CNTN5: variants seen among roughly 807,000 people sequenced by gnomAD.
The protein encoded by CNTN5 is contactin-5.
A neutral mutation model predicts 129.1 loss-of-function variants in CNTN5; 77 were observed. The ratio of observed to expected loss-of-function variants is 0.60; its 90% CI spans 0.50 to 0.72. The LOEUF is 0.72. Among genes scored for constraint, CNTN5 ranks in the 30% least tolerant of loss-of-function variants. CNTN5 has a pLI of 0.00. For missense variants in CNTN5, 1,478 were observed against 1,328.8 expected (o/e 1.11, Z -1.75); for synonymous variants, 509 against 465.6 (o/e 1.09, Z -1.20).
At chr11:99,661,533 A>G (rs1240750215) in intron 3 of CNTN5, among the ~76,000 whole-genome samples, 3 of 152,082 alleles carry the variant, frequency 2.0e-5, no homozygotes, top group South Asian at 2.1e-4. Flanking sequence ...TAAAGTTACT[A>G]TATGTGTATA....
intron 1 of CNTN5, among the ~76,000 whole-genome samples, chr11:99,322,228 G>A (rs560212709): frequency 2.3e-4 from 35 of 152,134 alleles, no homozygotes; most frequent in African/African-American, 8.0e-4. Context: ...TGCAGTCGGC[G>A]GCCTTACTCC....
chr11:99,689,068 C>T lies in CNTN5; in HGVS notation c.56-130476C>T, dbSNP rs151292997. Among the ~76,000 whole-genome samples the T allele has an allele frequency of 2.5e-3, 383 of 152,178 alleles. 2 individuals are homozygous for T. Among genetic ancestry groups the T allele is most frequent in the African/African-American group, 8.7e-3 (363 of 41,538 alleles). The stretch of plus-strand genomic sequence containing the variant: ...TGTGAATAGTGCTCTAATGAATACA[C>T]ACATGCATGCATCTTTATAATAGTA... On this transcript the variant is annotated intron_variant, in intron 3 of 24. Coordinates refer to ENST00000524871, the MANE Select transcript of CNTN5 (RefSeq NM_014361.4).
At chr11:99,849,429 T>C (rs1038967878) in intron 6 of CNTN5, among the ~76,000 whole-genome samples, 1 of 151,960 alleles carries the variant, frequency 6.6e-6, no homozygotes, top group Non-Finnish European at 1.5e-5. Flanking sequence ...GGAGTACTCT[T>C]ATTAACCAGA....
intron 3 of CNTN5, among the ~76,000 whole-genome samples, chr11:99,739,764 T>G (rs1943831186): frequency 1.3e-5 from 2 of 152,148 alleles, no homozygotes; most frequent in African/African-American, 4.8e-5. Context: ...TTAAAGAGAT[T>G]TTTGTAGCGA....
At position 99,647,252 on chromosome 11, in the gene CNTN5, T is replaced by G. The variant is rs78375264; in HGVS notation, c.55+90983T>G. ...GTAAAGGGTGTAGTTTCACTCTTCTTCATTTGGATATCCAATTTTCCCCGA... is the reference window on the plus strand; with the variant it reads ...GTAAAGGGTGTAGTTTCACTCTTCTGCATTTGGATATCCAATTTTCCCCGA... On this transcript the variant is annotated intron_variant, in intron 3 of 24. Coordinates refer to ENST00000524871, the MANE Select transcript of CNTN5 (RefSeq NM_014361.4). 8.7e-3 allele frequency among the ~76,000 whole-genome samples: 1,326 copies of G among 152,214 alleles called. 18 individuals carry two copies. The highest frequency in any genetic ancestry group is 0.029 in the African/African-American group (1,186 of 41,578).
intron 2 of CNTN5, among the ~76,000 whole-genome samples, chr11:99,451,968 G>T (rs1054575145): frequency 6.6e-6 from 1 of 152,020 alleles, no homozygotes. Context: ...TTATTTGTTC[G>T]CAGAAATTGC....
rs559955524 is a variant in CNTN5 at position 99,202,350 on chromosome 11, A to T, written c.-209-122996A>T. Among the ~76,000 whole-genome samples the T allele has an allele frequency of 8.5e-5, 13 of 152,364 alleles. No homozygotes were observed. The South Asian group carries it at 1.0e-3, about 12-fold the overall frequency. ...AACAATTTATTTTGACCATAAAAAT[A>T]TCAAAGTCCTTTAACATGTAGGTCA... On this transcript the variant is annotated intron_variant, in intron 1 of 24. Coordinates refer to ENST00000524871, the MANE Select transcript of CNTN5 (RefSeq NM_014361.4).
intron 18 of CNTN5, among the ~76,000 whole-genome samples, chr11:100,292,149 A>G (rs1950998827): frequency 1.3e-5 from 2 of 151,896 alleles, no homozygotes; most frequent in Admixed American, 1.3e-4. Flanking sequence ...TTTCCACTTT[A>G]TTTTGTACTT....
intron 2 of CNTN5, among the ~76,000 whole-genome samples, chr11:99,514,298 TA>T (rs1336039701): frequency 6.6e-6 from 1 of 152,096 alleles, no homozygotes; most frequent in African/African-American, 2.4e-5. Flanking sequence ...CTACTCCTGA[TA>T]AAGATGCTGT....
intron 2 of CNTN5, among the ~76,000 whole-genome samples, chr11:99,401,121 G>T (rs1941783905): frequency 6.6e-6 from 1 of 152,034 alleles, no homozygotes; most frequent in Non-Finnish European, 1.5e-5. Flanking sequence ...TTGGTTGTCT[G>T]TGTTTTGGGG....
At chr11:99,428,763 A>G (rs1448073563) in intron 2 of CNTN5, among the ~76,000 whole-genome samples, 1 of 152,096 alleles carries the variant, frequency 6.6e-6, no homozygotes, top group Non-Finnish European at 1.5e-5. Context: ...TAGATTACTT[A>G]GAAAAACTGC....
chr11:99,272,642 G>C (rs1863229628), intron 1 of CNTN5, among the ~76,000 whole-genome samples: 1 of 150,964 alleles, frequency 6.6e-6, no homozygotes, highest in East Asian at 2.0e-4. Context: ...ACATAACATG[G>C]GAACTATGGT....
At position 99,628,595 on chromosome 11, in the gene CNTN5, CAGAA is replaced by C. The variant is rs780206633; in HGVS notation, c.55+72329_55+72332del. Among the ~76,000 whole-genome samples the C allele has an allele frequency of 5.4e-5, 8 of 147,136 alleles. 1 individual carries two copies. The highest frequency in any genetic ancestry group is 1.8e-4 in the African/African-American group (7 of 39,992). On this transcript the variant is annotated intron_variant, in intron 3 of 24. Coordinates refer to ENST00000524871, the MANE Select transcript of CNTN5 (RefSeq NM_014361.4). Reference sequence around the variant, plus strand: ...ACACACACTTCCATTGGCCAAGAAACAGAAAGCTAAATAATGACACACACACACA... The same window carrying C: ...ACACACACTTCCATTGGCCAAGAAACAGCTAAATAATGACACACACACACA...
intron 9 of CNTN5, among the ~76,000 whole-genome samples, chr11:100,008,886 T>A (rs1940347542): frequency 6.6e-6 from 1 of 152,116 alleles, no homozygotes; most frequent in Admixed American, 6.6e-5. Flanking sequence ...AGAATACTGG[T>A]TCATTGTGAT....
chr11:99,067,074 G>A (rs1591134463), intron 1 of CNTN5, among the ~76,000 whole-genome samples: 1 of 152,082 alleles, frequency 6.6e-6, no homozygotes, highest in Non-Finnish European at 1.5e-5. Context: ...CAGTTCCCCA[G>A]TAAATCACTT....
At chr11:99,976,367 C>A (rs1937973885) in intron 8 of CNTN5, among the ~76,000 whole-genome samples, 1 of 152,218 alleles carries the variant, frequency 6.6e-6, no homozygotes. Context: ...CAAAGCTCCA[C>A]TGGGCAGCAT....
At chr11:99,878,066 AG>A (rs1948678831) in intron 6 of CNTN5, among the ~76,000 whole-genome samples, 1 of 152,100 alleles carries the variant, frequency 6.6e-6, no homozygotes, top group Non-Finnish European at 1.5e-5. Context: ...TTAAATATGT[AG>A]CATACATTAT....
At chr11:100,317,119 T>C (rs149863076) in intron 21 of CNTN5, among the ~76,000 whole-genome samples, 23 of 152,354 alleles carry the variant, frequency 1.5e-4, no homozygotes, top group African/African-American at 5.5e-4. Flanking sequence ...TGTTTTGCTC[T>C]ATAAAAGATG....
Position 100,073,689 on chromosome 11 carries a change from A to AT in CNTN5, c.1430-455_1430-454insT, listed in dbSNP as rs1944017589. Among the ~76,000 whole-genome samples, 14 of 152,070 alleles carry AT rather than the reference A, an allele frequency of 9.2e-5. No homozygotes were observed. The South Asian group carries it at 1.5e-3, about 16-fold the overall frequency. ...ATTTTTAAACAATGTATTATATAAA[A>AT]CATTTAATGTTTTATAATATTAAAG... is the stretch of plus-strand genomic sequence containing the variant. On this transcript the variant is annotated intron_variant, in intron 12 of 24. Coordinates refer to ENST00000524871, the MANE Select transcript of CNTN5 (RefSeq NM_014361.4).
Sources: gnomAD v4.1 joint callset for allele counts (sites outside exome capture counted in the v4.1 genomes callset) on GRCh38, gnomAD v4.1.1 for gene constraint, MANE v1.5 for transcripts, NCBI Gene and HGNC (gene_info 2026-07-23, HGNC 2026-07-21) for gene names.